MAPK8IP3: variants seen among roughly 807,000 people sequenced by gnomAD.
MAPK8IP3 encodes the protein C-Jun-amino-terminal kinase-interacting protein 3.
A neutral mutation model predicts 157.8 loss-of-function variants in MAPK8IP3; 49 were observed. The observed-to-expected ratio is 0.31, with a 90% CI of 0.25 to 0.39. The LOEUF is 0.39. Among genes scored for constraint, MAPK8IP3 ranks in the 10% least tolerant of loss-of-function variants. The probability of loss-of-function intolerance (pLI) is 1.00; values close to 1 mark genes in which losing one functional copy is unlikely to be tolerated. For synonymous variants in MAPK8IP3, 897 were observed against 777.7 expected, an observed-to-expected ratio of 1.15 and a Z score of -2.55; for missense variants, 1,478 against 1,889.4, an observed-to-expected ratio of 0.78 and a Z score of 4.04.
chr16:1,729,039 G>C lies in MAPK8IP3; in HGVS notation c.440-99G>C, dbSNP rs530962563. The C allele has an allele frequency of 3.4e-5, 41 of 1,195,236 alleles. 1 individual carries two copies. The highest frequency in any genetic ancestry group is 4.8e-5 in the Non-Finnish European group (39 of 806,770). The allele number at this position is 1,195,236 out of a possible 1,614,324, so 74.0% of individuals were successfully genotyped here. ...GGTTGCCTCAGGACCCAGAGTCCCA[G>C]CCTTGTCCTGGAACCCCCTCCCTCT... is the stretch of plus-strand genomic sequence containing the variant. On this transcript the variant is annotated intron_variant, in intron 2 of 31. Transcript: ENST00000610761.
At chr16:1,714,838 CGGA>C (rs2038039591) in intron 1 of MAPK8IP3, among the ~76,000 whole-genome samples, 1 of 152,020 alleles carries the variant, frequency 6.6e-6, no homozygotes, top group Non-Finnish European at 1.5e-5. Context: ...CAGAGGGAGT[CGGA>C]GGTTGGGGCT....
chr16:1,760,830 T>C (rs1016391855), intron 12 of MAPK8IP3, among the ~76,000 whole-genome samples: 1 of 152,130 alleles, frequency 6.6e-6, no homozygotes, highest in African/African-American at 2.4e-5. Context: ...CCCGGAGAGC[T>C]GTATGTTGGG....
chr16:1,760,090 A>G (rs747614642), intron 11 of MAPK8IP3, 75 bp downstream of exon 11: 11 of 1,549,796 alleles, frequency 7.1e-6, no homozygotes, highest in Admixed American at 5.0e-5. Context: ...GAGCCGGGCC[A>G]GAGGGCGCCT....
chr16:1,706,564 G>A lies in MAPK8IP3; in HGVS notation c.225G>A (p.Glu75=), dbSNP rs748188399. 8 of 1,612,994 alleles carry A rather than the reference G, an allele frequency of 5.0e-6. No homozygotes were observed. Among genetic ancestry groups the A allele is most frequent in the South Asian group, 1.1e-5 (1 of 90,876 alleles). The change falls in exon 1 of 32, where the codon GAG becomes GAA. Residue 75 remains glutamate (E), a synonymous_variant. Transcript: ENST00000610761. The surrounding 1 kb of genome is among the most constrained non-coding windows in gnomAD (Gnocchi z 5.1). ...ACTCGGTGCTCAGCGAGAACCAGGA[G>A]CACGAGGTGGAGCTGGAGCTGCTGC... ...NLDSVLSENQ[E]HEVELELLRE...
At chr16:1,727,591 GTGTGAGGTGCTGTGTCTAAGTCGTGCA>G (rs2038974582) in intron 2 of MAPK8IP3, among the ~76,000 whole-genome samples, 2 of 151,734 alleles carry the variant, frequency 1.3e-5, no homozygotes, top group Admixed American at 1.3e-4. Context: ...TAAGTCGTGC[GTGTGAGGTGCTGTGTCTAAGTCGTGCA>G]TGTGAGGTGC....
rs897427493 is a variant in MAPK8IP3 at position 1,734,411 on chromosome 16, C to T, written c.602+4833C>T. On this transcript the variant is annotated intron_variant, in intron 4 of 31. Transcript: ENST00000610761. ...CGGTGGTGGCATTAAGAGCCACCTC[C>T]GGGCTCGTGTGTCCCCTGCCTCCCC... Among the ~76,000 whole-genome samples, 84 of 152,166 alleles carry T rather than the reference C, an allele frequency of 5.5e-4. 1 individual carries two copies. Among genetic ancestry groups the T allele is most frequent in the African/African-American group, 1.8e-3 (74 of 41,448 alleles).
At chr16:1,750,258 G>A (rs530982344) in intron 8 of MAPK8IP3, among the ~76,000 whole-genome samples, 2 of 152,156 alleles carry the variant, frequency 1.3e-5, no homozygotes, top group South Asian at 4.2e-4. Context: ...CTGTCGCCAG[G>A]CTGGAATGCA....
At chr16:1,730,043 A>C (rs1241429037) in intron 4 of MAPK8IP3, among the ~76,000 whole-genome samples, 2 of 116,092 alleles carry the variant, frequency 1.7e-5, no homozygotes, top group African/African-American at 7.7e-5. Context: ...TCTTGTCTCT[A>C]CAAAAAAAAA....
rs1280729893 is a variant in MAPK8IP3, at chr16:1,729,554, C to T, written c.578C>T (p.Thr193Ile). ...KMQQVGGNSQ[T>I]ESSLPGRSRK... is the part of the protein sequence containing the mutation. ...CAGCAGGTCGGAGGAAACAGCCAGACCGAGAGCAGCCTGCCGGGGCGGAGG... is the reference window on the plus strand; with the variant it reads ...CAGCAGGTCGGAGGAAACAGCCAGATCGAGAGCAGCCTGCCGGGGCGGAGG... The change falls in exon 4 of 32, where the codon ACC becomes ATC. Residue 193 changes from threonine to isoleucine, a missense_variant. Physicochemically the swap from Thr to Ile is moderately conservative, Grantham distance 89. This residue lies in a region of MAPK8IP3 where 315 missense variants were observed against 394.4 expected (regional missense o/e 0.80). Transcript: ENST00000610761. The T allele has an allele frequency of 6.2e-7, 1 of 1,609,308 alleles. No homozygotes were observed. Among genetic ancestry groups the T allele is most frequent in the Admixed American group, 1.7e-5 (1 of 59,452 alleles).
At chr16:1,717,331 G>A (rs373465293) in intron 1 of MAPK8IP3, among the ~76,000 whole-genome samples, 23 of 152,044 alleles carry the variant, frequency 1.5e-4, no homozygotes, top group Admixed American at 6.6e-5. Flanking sequence ...CCCTTTGGTC[G>A]TGGGAGGGAT....
At chr16:1,737,613 CGTGT>C (rs1187776747) in intron 4 of MAPK8IP3, among the ~76,000 whole-genome samples, 26 of 57,894 alleles carry the variant, frequency 4.5e-4, no homozygotes, top group South Asian at 1.3e-3. Context: ...TGTGACCGTC[CGTGT>C]GTGTGACCAT....
In MAPK8IP3 at chr16:1,729,501, C is replaced by T. The variant is rs779593084; in HGVS notation, c.525C>T (p.Tyr175=). Residue 175 remains tyrosine, a synonymous_variant, in exon 4 of 32, where the codon TAC becomes TAT. Transcript: ENST00000610761. The part of the protein sequence containing the change: ...HQRHTEMIQT[Y]VEHIERSKMQ... ...CCTCCTCGCAGATGATACAGACCTA[C>T]GTGGAGCACATTGAGAGGTCCAAGA... 54 of 1,612,850 alleles carry T rather than the reference C, an allele frequency of 3.3e-5. No homozygotes were observed. The East Asian group carries it at 6.5e-4, about 19-fold the overall frequency.
chr16:1,743,835 CG>C lies in MAPK8IP3; in HGVS notation c.747+362del. The C allele has an allele frequency of 8.8e-7, 1 of 1,130,386 alleles. No homozygotes were observed. Among genetic ancestry groups the C allele is most frequent in the South Asian group, 2.5e-5 (1 of 40,490 alleles). 70.0% of individuals were successfully genotyped at this position (1,130,386 alleles called of 1,614,324 possible). The stretch of plus-strand genomic sequence containing the variant: ...CCCCACATAAAGCCTCATGCTCACC[CG>C]GGCTCCAGCCAGACACATCCTGCCC... On this transcript the variant is annotated intron_variant, in intron 5 of 31. Transcript: ENST00000610761. This position sits in a 1 kb window ranked among gnomAD's most constrained non-coding sequence, Gnocchi z 5.6.
chr16:1,764,789 C>G (rs574862266), intron 19 of MAPK8IP3, among the ~76,000 whole-genome samples: 1 of 152,176 alleles, frequency 6.6e-6, no homozygotes, highest in African/African-American at 2.4e-5. Flanking sequence ...GCTTGGGCCT[C>G]TTGGAGCTCA....
Position 1,722,944 on chromosome 16 carries a change from G to A in MAPK8IP3, c.319-1613G>A, listed in dbSNP as rs566262476. On this transcript the variant is annotated intron_variant, in intron 1 of 31. Transcript: ENST00000610761. ...ACTCGATCTCCTGACCTCGTGATCC[G>A]CCTGCCTCAGCCTCCCAAAGTGCTG... Among the ~76,000 whole-genome samples the A allele has an allele frequency of 8.6e-5, 13 of 151,912 alleles. No individual in the cohort carries two copies. In the South Asian group the frequency reaches 2.5e-3, roughly 29 times the overall value.
intron 2 of MAPK8IP3, among the ~76,000 whole-genome samples, chr16:1,725,014 T>C (rs537898728): frequency 2.6e-4 from 40 of 152,134 alleles, no homozygotes; most frequent in Non-Finnish European, 5.7e-4. Flanking sequence ...CTCTTCACAC[T>C]GCTGAGGAGT....
intron 4 of MAPK8IP3, among the ~76,000 whole-genome samples, chr16:1,735,597 GCATCCGTGTGAC>G (rs1427398301): frequency 1.4e-4 from 19 of 138,156 alleles, no homozygotes; most frequent in African/African-American, 5.0e-4. Context: ...ATCCGTGTGA[GCATCCGTGTGAC>G]CATCCGTGTG....
In MAPK8IP3 at chr16:1,769,090, G is replaced by C; in HGVS notation, c.*266G>C. The C allele has an allele frequency of 1.9e-6, 1 of 513,502 alleles. No individual in the cohort carries two copies. The highest frequency in any genetic ancestry group is 3.5e-6 in the Non-Finnish European group (1 of 283,400). The allele number at this position is 513,502 out of a possible 1,614,324, so 31.8% of individuals were successfully genotyped here. ...GCTCCTGGCCAGCTTCCAGCCCAGA[G>C]TCCTCAAGTCCAGGGCACCTTGGGC... On this transcript the variant is annotated 3_prime_UTR_variant, in exon 32 of 32. Coordinates refer to ENST00000610761, the MANE Select transcript of MAPK8IP3 (RefSeq NM_001318852.2).
In MAPK8IP3 at chr16:1,741,998, A is replaced by G. The variant is rs2040712914; in HGVS notation, c.603-1334A>G. Among the ~76,000 whole-genome samples the G allele has an allele frequency of 6.6e-6, 1 of 152,194 alleles. No individual in the cohort carries two copies. The highest frequency in any genetic ancestry group is 2.1e-4 in the South Asian group (1 of 4,824). ...TCCCCTGTCGCCGTCTGCATCCTCC[A>G]GGCATGGCCAGAGCAGGTTCCTTGA... On this transcript the variant is annotated intron_variant, in intron 4 of 31. Transcript: ENST00000610761. The surrounding 1 kb of genome is among the most constrained non-coding windows in gnomAD (Gnocchi z 6.9).
Sources: allele counts gnomAD v4.1 joint callset (sites outside exome capture counted in the v4.1 genomes callset), GRCh38; gene constraint gnomAD v4.1.1; regional missense constraint gnomAD v4.1.1; non-coding constraint Gnocchi (gnomAD v3.1); transcripts MANE v1.5; gene names NCBI Gene and HGNC (gene_info 2026-07-23, HGNC 2026-07-21).